Variants in ATP8B4 observed in about 807,000 individuals in gnomAD.
ATP8B4 encodes ATPase phospholipid transporting 8B4 (putative).
In ATP8B4, 133 loss-of-function variants were observed where a neutral mutation model predicts 145.6. That is an observed-to-expected ratio of 0.91 (90% CI 0.79 to 1.05). The LOEUF is 1.05. Ranked by LOEUF, ATP8B4 falls within the 50% of genes least tolerant of loss-of-function variation. The pLI, the probability that ATP8B4 is intolerant of heterozygous loss-of-function variation, is 0.00. For missense variants in ATP8B4, 1,458 were observed against 1,425.2 expected, an observed-to-expected ratio of 1.02 and a Z score of -0.37; for synonymous variants, 507 against 492.9, an observed-to-expected ratio of 1.03 and a Z score of -0.38.
At chr15:49,990,235 C>T (rs1349100532) in intron 9 of ATP8B4, among the ~76,000 whole-genome samples, 1 of 152,126 alleles carries the variant, frequency 6.6e-6, no homozygotes, top group African/African-American at 2.4e-5. Flanking sequence ...GGGGAAAGCT[C>T]TCTTAGGACC....
intron 3 of ATP8B4, among the ~76,000 whole-genome samples, chr15:50,063,128 T>C (rs1008999458): frequency 1.3e-5 from 2 of 151,116 alleles, no homozygotes; most frequent in Admixed American, 6.6e-5. Context: ...CAGAGAGCAA[T>C]ATTACTACAT....
intron 16 of ATP8B4, among the ~76,000 whole-genome samples, chr15:49,930,671 TC>T (rs1489145319): frequency 2.0e-5 from 3 of 152,034 alleles, no homozygotes; most frequent in Admixed American, 6.6e-5. Context: ...CAGTCACACT[TC>T]CTAGGTCTGA....
intron 1 of ATP8B4, among the ~76,000 whole-genome samples, chr15:50,134,551 G>C (rs1248306389): frequency 6.6e-6 from 1 of 152,196 alleles, no homozygotes; most frequent in Non-Finnish European, 1.5e-5. Context: ...CTGTACTTCA[G>C]TCTATCTGGC....
At chr15:49,896,879 C>T (rs1192612109) in intron 23 of ATP8B4, 2 of 157,986 alleles carry the variant, frequency 1.3e-5, no homozygotes, top group Admixed American at 6.2e-5. Flanking sequence ...GAGTACCAAT[C>T]AGTCCAGATA....
At chr15:50,120,658 C>T (rs376336033), upstream of ATP8B4, among the ~76,000 whole-genome samples, 54 of 152,216 alleles carry the variant, frequency 3.5e-4, no homozygotes, top group African/African-American at 9.6e-4. Context: ...ACCACACACA[C>T]GTGCAAACAT....
In ATP8B4 at chr15:49,979,753, T is replaced by C; in HGVS notation, c.898A>G (p.Ser300Gly). The change falls in exon 12 of 28, where the codon AGT becomes GGT. Residue 300 changes from serine to glycine, a missense_variant. Coordinates refer to ENST00000284509, the MANE Select transcript of ATP8B4 (RefSeq NM_024837.4). ...GTTCTGAATTGGTCCCCAGTTTGAC[T>C]CTCCCAGATTGAATTTCCTATTGCA... The part of the protein sequence containing the change: ...ILAIGNSIWE[S>G]QTGDQFRTFL... The C allele has an allele frequency of 6.2e-7, 1 of 1,610,470 alleles. No homozygotes were observed. The highest frequency in any genetic ancestry group is 2.2e-5 in the East Asian group (1 of 44,780).
chr15:49,910,109 A>T (rs1340195699), intron 20 of ATP8B4, among the ~76,000 whole-genome samples: 2 of 152,212 alleles, frequency 1.3e-5, no homozygotes, highest in Non-Finnish European at 2.9e-5. Flanking sequence ...GAAAAAAACA[A>T]TTCAGGATAT....
chr15:49,913,249 T>G (rs62020400), intron 20 of ATP8B4, among the ~76,000 whole-genome samples: 34,748 of 151,804 alleles, frequency 0.23, 5,035 homozygotes, highest in Non-Finnish European at 0.32. Flanking sequence ...ATATGATACA[T>G]CACGTCAACA....
chr15:49,940,531 A>G (rs571180581), intron 14 of ATP8B4, among the ~76,000 whole-genome samples: 21 of 152,192 alleles, frequency 1.4e-4, no homozygotes, highest in Non-Finnish European at 3.1e-4. Flanking sequence ...CTGCACAAGT[A>G]TCCCTTGAAT....
At chr15:50,162,807 CTTTT>C (rs1275247724) in intron 1 of ATP8B4, among the ~76,000 whole-genome samples, 2 of 152,132 alleles carry the variant, frequency 1.3e-5, no homozygotes, top group Non-Finnish European at 2.9e-5. Flanking sequence ...CGCCCGGCCT[CTTTT>C]TTGTTTTTTT....
At chr15:49,978,815 GGTGTGTGT>G (rs60135914) in intron 12 of ATP8B4, among the ~76,000 whole-genome samples, 13 of 145,314 alleles carry the variant, frequency 8.9e-5, no homozygotes, top group African/African-American at 2.8e-4. Context: ...AATAAAGAGG[GGTGTGTGT>G]GTGTGTGTGT....
intron 1 of ATP8B4, among the ~76,000 whole-genome samples, chr15:50,146,264 G>C (rs1472950658): frequency 6.6e-6 from 1 of 152,102 alleles, no homozygotes; most frequent in African/African-American, 2.4e-5. Context: ...ACCTGCCTTG[G>C]CCTCCCAAAG....
chr15:50,064,808 C>T (rs1640484520), intron 3 of ATP8B4, among the ~76,000 whole-genome samples: 1 of 152,116 alleles, frequency 6.6e-6, no homozygotes, highest in Non-Finnish European at 1.5e-5. Flanking sequence ...TGGCAGAAGG[C>T]AAAGGGGAAG....
At chr15:49,931,838 C>T (rs1159517101) in intron 15 of ATP8B4, among the ~76,000 whole-genome samples, 1 of 151,758 alleles carries the variant, frequency 6.6e-6, no homozygotes, top group African/African-American at 2.4e-5. Flanking sequence ...CCACTAATGA[C>T]CATTTTATGA....
intron 14 of ATP8B4, among the ~76,000 whole-genome samples, 161 bp from the exon 15 acceptor site, chr15:49,934,343 C>T (rs1000477227): frequency 2.0e-5 from 3 of 151,998 alleles, no homozygotes; most frequent in Non-Finnish European, 4.4e-5. Flanking sequence ...TAAATATAAT[C>T]TTCTCATTTC....
chr15:49,941,681 C>A (rs1296279788), intron 14 of ATP8B4, among the ~76,000 whole-genome samples: 1 of 152,038 alleles, frequency 6.6e-6, no homozygotes, highest in Non-Finnish European at 1.5e-5. Flanking sequence ...CCAGCAAACC[C>A]ACTACTAGGT....
intron 20 of ATP8B4, among the ~76,000 whole-genome samples, chr15:49,903,894 C>CAAA: frequency 8.0e-6 from 1 of 124,386 alleles, no homozygotes; most frequent in Non-Finnish European, 1.7e-5. Context: ...AACTCCGTCT[C>CAAA]AAAAAAAAAA....
At chr15:50,122,866 C>T (rs181747999), upstream of ATP8B4, among the ~76,000 whole-genome samples, 1 of 152,138 alleles carries the variant, frequency 6.6e-6, no homozygotes. Flanking sequence ...AATTACTCAC[C>T]CACCTTAAGC....
intron 12 of ATP8B4, among the ~76,000 whole-genome samples, chr15:49,979,340 G>T (rs970848169): frequency 1.3e-4 from 20 of 152,024 alleles, no homozygotes; most frequent in African/African-American, 1.7e-4. Flanking sequence ...AATTGATCAG[G>T]TTACATGAGA....
Sources: gnomAD v4.1 joint callset for allele counts (sites outside exome capture counted in the v4.1 genomes callset) on GRCh38, gnomAD v4.1.1 for gene constraint, MANE v1.5 for transcripts, NCBI Gene and HGNC (gene_info 2026-07-23, HGNC 2026-07-21) for gene names.